The following MTA3 variants were observed in gnomAD, a reference collection of about 807,000 sequenced individuals.
The protein encoded by MTA3 is metastasis-associated protein MTA3.
A neutral mutation model predicts 83.5 loss-of-function variants in MTA3; 34 were observed. The observed-to-expected ratio is 0.41, with a 90% confidence interval of 0.31 to 0.54. The LOEUF is 0.54. MTA3 is among the 20% of genes least tolerant of loss of function. The pLI, the probability that MTA3 is intolerant of heterozygous loss-of-function variation, is 0.33. For synonymous variants in MTA3, 303 were observed against 252.7 expected (o/e 1.20, Z -1.89); for missense variants, 761 against 726.4 (o/e 1.05, Z -0.55).
intron 16 of MTA3, among the ~76,000 whole-genome samples, chr2:42,747,500 G>A (rs1481115449): frequency 6.6e-6 from 1 of 152,000 alleles, no homozygotes; most frequent in African/African-American, 2.4e-5. Flanking sequence ...AAGAGGAGCA[G>A]GTGAAAGGGG....
At chr2:42,668,427 C>G (rs147412851) in intron 8 of MTA3, among the ~76,000 whole-genome samples, 2 of 152,282 alleles carry the variant, frequency 1.3e-5, no homozygotes, top group African/African-American at 2.4e-5. Context: ...GAACAAGACC[C>G]CTGCGACCTT....
At chr2:42,508,080 G>T (rs1041972070) in intron 2 of MTA3, among the ~76,000 whole-genome samples, 7 of 152,162 alleles carry the variant, frequency 4.6e-5, no homozygotes, top group African/African-American at 1.7e-4. Context: ...ACCTGGGCCA[G>T]GCTGGGCACC....
intron 4 of MTA3, among the ~76,000 whole-genome samples, chr2:42,634,788 T>C (rs1687025789): frequency 6.6e-6 from 1 of 152,238 alleles, no homozygotes; most frequent in Non-Finnish European, 1.5e-5. Context: ...CTGGCATTTA[T>C]ACTGTTCTTA....
chr2:42,628,110 C>T (rs961774222), intron 4 of MTA3, among the ~76,000 whole-genome samples: 1 of 152,020 alleles, frequency 6.6e-6, no homozygotes, highest in African/African-American at 2.4e-5. Context: ...TCTTGAACGC[C>T]TGACTTTGTG....
chr2:42,578,270 T>TA (rs1406634121), intron 2 of MTA3, among the ~76,000 whole-genome samples: 3 of 152,192 alleles, frequency 2.0e-5, no homozygotes, highest in African/African-American at 7.2e-5. Flanking sequence ...ATGATTGACC[T>TA]TCTTGAGAGC....
At position 42,753,520 on chromosome 2, in the gene MTA3, C is replaced by T; in HGVS notation, c.*121C>T. 1.3e-6 allele frequency: 2 copies of T among 1,514,634 alleles called. No homozygotes were observed. The highest frequency in any genetic ancestry group is 1.8e-6 in the Non-Finnish European group (2 of 1,127,500). 93.8% of individuals were successfully genotyped at this position (1,514,634 alleles called of 1,614,324 possible). On this transcript the variant is annotated 3_prime_UTR_variant, in exon 17 of 17. Coordinates refer to ENST00000405094, the MANE Select transcript of MTA3 (RefSeq NM_001330442.2). The stretch of plus-strand genomic sequence containing the variant: ...CATTTCAGTGGGAGACCTCTGCGTG[C>T]ATCCATGGAGACGCAATGGGGCGGG...
chr2:42,747,382 G>A (rs1434841495), intron 16 of MTA3, among the ~76,000 whole-genome samples: 1 of 152,022 alleles, frequency 6.6e-6, no homozygotes, highest in Non-Finnish European at 1.5e-5. Flanking sequence ...AGGGTCTTTT[G>A]GCCAACATAA....
chr2:42,589,854 T>C (rs1212500628), intron 3 of MTA3, among the ~76,000 whole-genome samples: 1 of 152,188 alleles, frequency 6.6e-6, no homozygotes, highest in East Asian at 1.9e-4. Flanking sequence ...TATTTCTCTT[T>C]TGTCACCAAT....
chr2:42,733,775 C>T (rs1039785242), intron 16 of MTA3, among the ~76,000 whole-genome samples: 2 of 152,080 alleles, frequency 1.3e-5, no homozygotes, highest in African/African-American at 4.8e-5. Flanking sequence ...GCTGGGATTA[C>T]AGGTATGAGC....
chr2:42,528,139 A>G (rs1379776421), intron 2 of MTA3, among the ~76,000 whole-genome samples: 1 of 151,590 alleles, frequency 6.6e-6, no homozygotes, highest in Non-Finnish European at 1.5e-5. Context: ...GTTACCCAGG[A>G]TGATCTCAAT....
intron 4 of MTA3, among the ~76,000 whole-genome samples, chr2:42,627,576 A>G (rs1446693446): frequency 6.6e-6 from 1 of 150,400 alleles, no homozygotes; most frequent in Non-Finnish European, 1.5e-5. Context: ...TCTTTTTTTT[A>G]AATTTGAAAC....
intron 2 of MTA3, among the ~76,000 whole-genome samples, chr2:42,559,720 C>G (rs932625527): frequency 5.5e-5 from 8 of 146,662 alleles, no homozygotes. Context: ...CTCTACTAAA[C>G]ACAAAATTAG....
intron 6 of MTA3, among the ~76,000 whole-genome samples, chr2:42,650,432 G>A (rs903438142): frequency 1.3e-5 from 2 of 151,552 alleles, no homozygotes; most frequent in African/African-American, 2.4e-5. Context: ...TTTGTTTGGG[G>A]TTTTTTTGTT....
In MTA3 at chr2:42,755,160, A is replaced by G. The variant is rs1356204434; in HGVS notation, c.*1761A>G. 1 of 985,336 alleles carries G rather than the reference A, an allele frequency of 1.0e-6. No homozygotes were observed. The highest frequency in any genetic ancestry group is 1.1e-4 in the East Asian group (1 of 8,820). The allele number at this position is 985,336 out of a possible 1,614,324, so 61.0% of individuals were successfully genotyped here. A position where few individuals can be genotyped will look rare whatever the true frequency, so the allele number is the denominator to read the frequency against. Reference sequence around the variant, plus strand: ...GCATCACGTGGATGTTTCTTCCCTAAAGAAAAAGACACAGGAAAGCTGTCT... The same window carrying G: ...GCATCACGTGGATGTTTCTTCCCTAGAGAAAAAGACACAGGAAAGCTGTCT... On this transcript the variant is annotated 3_prime_UTR_variant, in exon 17 of 17. Transcript: ENST00000405094.
chr2:42,655,143 A>C (rs1689055941), intron 6 of MTA3, among the ~76,000 whole-genome samples: 1 of 152,172 alleles, frequency 6.6e-6, no homozygotes, highest in Non-Finnish European at 1.5e-5. Flanking sequence ...ATTATAAACC[A>C]TGACTAGCTT....
At chr2:42,537,585 C>G (rs1337854021) in intron 2 of MTA3, among the ~76,000 whole-genome samples, 2 of 151,316 alleles carry the variant, frequency 1.3e-5, no homozygotes, top group Admixed American at 1.3e-4. Flanking sequence ...AATAAATAAA[C>G]AAAATAAAAT....
chr2:42,676,256 C>T (rs775406903), intron 8 of MTA3, among the ~76,000 whole-genome samples: 12 of 152,160 alleles, frequency 7.9e-5, no homozygotes, highest in Non-Finnish European at 1.8e-4. Flanking sequence ...TTGTCATAAT[C>T]ACTTGATGAA....
chr2:42,699,662 T>C (rs1254915757), intron 11 of MTA3, among the ~76,000 whole-genome samples: 1 of 152,104 alleles, frequency 6.6e-6, no homozygotes, highest in African/African-American at 2.4e-5. Flanking sequence ...GTGTGAATCC[T>C]AGGTTTCTGG....
intron 8 of MTA3, among the ~76,000 whole-genome samples, chr2:42,667,066 C>G (rs763210297): frequency 6.6e-6 from 1 of 152,088 alleles, no homozygotes; most frequent in Non-Finnish European, 1.5e-5. Flanking sequence ...ACCATGCATG[C>G]TGCCACATAC....
Sources: gnomAD v4.1 joint callset for allele counts (sites outside exome capture counted in the v4.1 genomes callset) on GRCh38, gnomAD v4.1.1 for gene constraint, MANE v1.5 for transcripts, NCBI Gene and HGNC (gene_info 2026-07-23, HGNC 2026-07-21) for gene names.